Variants in AFF2 observed in about 807,000 individuals in gnomAD.
AFF2 encodes AF4/FMR2 family member 2.
Under a neutral mutation model 76.9 loss-of-function variants are expected in AFF2, and 14 were observed. The ratio of observed to expected loss-of-function variants is 0.18; its 90% CI spans 0.12 to 0.28. AFF2 has a LOEUF of 0.28. Ranked by LOEUF, AFF2 falls within the 10% of genes least tolerant of loss-of-function variation. AFF2 has a pLI of 1.00. For missense variants in AFF2, 868 were observed against 1,001.1 expected, an observed-to-expected ratio of 0.87 and a Z score of 1.79; for synonymous variants, 398 against 366.7, an observed-to-expected ratio of 1.09 and a Z score of -0.98.
At chrX:148,561,432 T>C (rs1557240659) in intron 1 of AFF2, among the ~76,000 whole-genome samples, 1 of 112,212 alleles carries the variant, frequency 8.9e-6, no homozygotes, top group African/African-American at 3.2e-5. Flanking sequence ...TTTCATTACA[T>C]AGAAAACTCA....
intron 3 of AFF2, among the ~76,000 whole-genome samples, chrX:148,785,268 G>A (rs2069803766): frequency 9.0e-6 from 1 of 111,713 alleles, no homozygotes; most frequent in Non-Finnish European, 1.9e-5. Flanking sequence ...TCATCCATAT[G>A]GTTTCAGGAA....
intron 7 of AFF2, among the ~76,000 whole-genome samples, chrX:148,853,352 T>A (rs1404845460): frequency 1.8e-5 from 2 of 111,553 alleles, no homozygotes; most frequent in Non-Finnish European, 3.8e-5. Context: ...ATGTGGGGCA[T>A]CCATTTCTGA....
chrX:148,817,689 T>A (rs2070282736), intron 4 of AFF2, among the ~76,000 whole-genome samples: 1 of 112,018 alleles, frequency 8.9e-6, no homozygotes, highest in Non-Finnish European at 1.9e-5. Flanking sequence ...TGCATAATAG[T>A]ATCATTTATG....
chrX:148,956,153 T>C lies in AFF2; in HGVS notation c.2108T>C (p.Ile703Thr), dbSNP rs1022826549. The C allele has an allele frequency of 8.3e-7, 1 of 1,210,770 alleles. No homozygotes were observed. The highest frequency in any genetic ancestry group is 1.8e-5 in the South Asian group (1 of 56,810). Residue 703 changes from isoleucine (I) to threonine (T), a missense_variant, in exon 11 of 21, where the codon ATT becomes ACT. Physicochemically the swap from Ile to Thr is moderately conservative, Grantham distance 89. This residue lies in a region of AFF2 where 532 missense variants were observed against 564.2 expected (regional missense o/e 0.94). Coordinates refer to ENST00000370460, the MANE Select transcript of AFF2 (RefSeq NM_002025.4). ...EKKKYRGPGK[I>T]VPKSREFIET... ...AAGAAGTACAGAGGGCCTGGCAAGA[T>C]TGTGCCAAAGTCTCGGGAATTCATT...
intron 4 of AFF2, among the ~76,000 whole-genome samples, chrX:148,814,895 A>G (rs1383023321): frequency 1.8e-5 from 2 of 111,943 alleles, no homozygotes; most frequent in East Asian, 5.6e-4. Context: ...CTGAAAGGAA[A>G]TTTGATTATA....
At chrX:148,631,759 T>A (rs1435003852) in intron 1 of AFF2, among the ~76,000 whole-genome samples, 3 of 110,330 alleles carry the variant, frequency 2.7e-5, no homozygotes, top group Non-Finnish European at 5.7e-5. Context: ...TCCAGAGGAG[T>A]TAGGGAGGTA....
chrX:148,540,979 T>C (rs2052847674), intron 1 of AFF2, among the ~76,000 whole-genome samples: 2 of 112,081 alleles, frequency 1.8e-5, no homozygotes, highest in South Asian at 3.7e-4. Context: ...GTCTAAAAAT[T>C]AGAGATCTTT....
intron 1 of AFF2, among the ~76,000 whole-genome samples, chrX:148,537,247 G>C (rs2052795897): frequency 8.9e-6 from 1 of 112,480 alleles, no homozygotes; most frequent in African/African-American, 3.2e-5. Context: ...AGACTGGTTA[G>C]ATGTTGAGAT....
chrX:148,515,021 T>C (rs782140387), intron 1 of AFF2, among the ~76,000 whole-genome samples: 3 of 112,130 alleles, frequency 2.7e-5, no homozygotes, highest in Non-Finnish European at 5.6e-5. Flanking sequence ...AGATAAATGT[T>C]TAAAAGGTTG....
At chrX:148,856,514 T>C (rs1214641840) in intron 7 of AFF2, among the ~76,000 whole-genome samples, 1 of 111,256 alleles carries the variant, frequency 9.0e-6, no homozygotes, top group Non-Finnish European at 1.9e-5. Context: ...ACCCATGGAC[T>C]CTCCAATCTC....
rs782056115 is a variant in AFF2 at position 148,636,001 on chromosome X, A to G, written c.48-15998A>G. On this transcript the variant is annotated intron_variant, in intron 1 of 20. Transcript: ENST00000370460. ...TGTAAAAGCTACATATATGCAATAT[A>G]TGTATGAGTGTGTGGATATATATAT... 1.0e-4 allele frequency among the ~76,000 whole-genome samples: 11 copies of G among 110,452 alleles called. No individual in the cohort carries two copies. In the South Asian group the frequency reaches 3.9e-3, roughly 39 times the overall value.
At chrX:148,703,173 G>T (rs2054824686) in intron 3 of AFF2, among the ~76,000 whole-genome samples, 1 of 111,824 alleles carries the variant, frequency 8.9e-6, no homozygotes, top group African/African-American at 3.3e-5. Flanking sequence ...AGCATTTCCT[G>T]TTACCTTTAA....
chrX:148,800,083 T>G (rs1254860876), intron 3 of AFF2, among the ~76,000 whole-genome samples: 1 of 112,101 alleles, frequency 8.9e-6, no homozygotes, highest in Non-Finnish European at 1.9e-5. Flanking sequence ...TATATTTAGC[T>G]GTGTCACTTG....
intron 7 of AFF2, among the ~76,000 whole-genome samples, chrX:148,878,326 T>C (rs1557278112): frequency 8.9e-6 from 1 of 111,917 alleles, no homozygotes; most frequent in African/African-American, 3.2e-5. Context: ...CCAAATTCAG[T>C]TGACTCCAAT....
rs2072620575 is a variant in AFF2, at chrX:148,997,661, G to C, written c.*6329G>C. On this transcript the variant is annotated 3_prime_UTR_variant, in exon 21 of 21. Transcript: ENST00000370460. The stretch of plus-strand genomic sequence containing the variant: ...CTTTCATGGTATTGCTACAATATTT[G>C]TCCTTACTGGAAAATGGTAACATCC... The C allele has an allele frequency of 9.0e-6, 1 of 111,349 alleles. No individual in the cohort carries two copies. The highest frequency in any genetic ancestry group is 1.9e-5 in the Non-Finnish European group (1 of 53,056). 9.2% of individuals were successfully genotyped at this position (111,349 alleles called of 1,213,427 possible).
chrX:148,551,864 G>A (rs1557238987), intron 1 of AFF2, among the ~76,000 whole-genome samples: 1 of 112,327 alleles, frequency 8.9e-6, no homozygotes, highest in African/African-American at 3.2e-5. Flanking sequence ...TAGTGTCCTT[G>A]GGCCACTGTG....
intron 9 of AFF2, among the ~76,000 whole-genome samples, chrX:148,935,857 T>C (rs1003606031): frequency 2.7e-5 from 2 of 75,128 alleles, no homozygotes; most frequent in Non-Finnish European, 5.1e-5. Flanking sequence ...AGAGGGAGTA[T>C]TTTTTATACT....
intron 3 of AFF2, among the ~76,000 whole-genome samples, chrX:148,687,983 C>T (rs2124497849): frequency 9.0e-6 from 1 of 110,742 alleles, no homozygotes; most frequent in South Asian, 3.9e-4. Context: ...TAACACTGAA[C>T]AGCTGATGGC....
At chrX:148,909,781 A>G in intron 9 of AFF2, among the ~76,000 whole-genome samples, 1 of 112,069 alleles carries the variant, frequency 8.9e-6, no homozygotes, top group Middle Eastern at 4.6e-3. Context: ...TGTTCAAATT[A>G]TGGCTCTTTA....
Sources: gnomAD v4.1 joint callset for allele counts (sites outside exome capture counted in the v4.1 genomes callset) on GRCh38, gnomAD v4.1.1 for gene constraint, gnomAD v4.1.1 regional missense constraint, MANE v1.5 for transcripts, NCBI Gene and HGNC (gene_info 2026-07-23, HGNC 2026-07-21) for gene names.